The following XKR7 variants were observed in gnomAD, a reference collection of about 807,000 sequenced individuals.
XKR7 encodes the protein XK related 7, also known as XK-related protein 7.
A neutral mutation model predicts 42.2 loss-of-function variants in XKR7; 11 were observed. The ratio of observed to expected loss-of-function variants is 0.26; its 90% CI spans 0.16 to 0.43. XKR7 has a LOEUF of 0.43. Among genes scored for constraint, XKR7 ranks in the 20% least tolerant of loss-of-function variants. The probability of loss-of-function intolerance (pLI) is 1.00; values close to 1 mark genes in which losing one functional copy is unlikely to be tolerated. For missense variants in XKR7, 710 were observed against 802.2 expected (o/e 0.89, Z 1.39); for synonymous variants, 346 against 366.4 (o/e 0.94, Z 0.64).
chr20:31,997,260 A>T lies in XKR7; in HGVS notation c.1543A>T (p.Thr515Ser). ...PGLPPTPVAR[T>S]LRTEGPVIRI... ...CTTGCCTCCCACACCAGTGGCCCGC[A>T]CCTTGCGGACAGAGGGGCCTGTCAT... Residue 515 changes from threonine to serine, a missense_variant, in exon 3 of 3, where the codon ACC (threonine) becomes TCC (serine). This residue lies in a region of XKR7 where 708 missense variants were observed against 786.2 expected (regional missense o/e 0.90). Transcript: ENST00000562532. The T allele has an allele frequency of 6.2e-7, 1 of 1,612,098 alleles. No individual in the cohort carries two copies. Among genetic ancestry groups the T allele is most frequent in the South Asian group, 1.1e-5 (1 of 91,058 alleles).
intron 1 of XKR7, among the ~76,000 whole-genome samples, chr20:31,990,282 C>T (rs971057312): frequency 2.0e-5 from 3 of 152,062 alleles, no homozygotes; most frequent in Non-Finnish European, 1.5e-5. Context: ...CCACCTACCT[C>T]GGCCTCCCAA....
Position 32,002,852 on chromosome 20 carries a change from T to C in XKR7, c.*5395T>C, listed in dbSNP as rs545308657. The C allele has an allele frequency of 6.6e-6, 1 of 152,226 alleles. No homozygotes were observed. The highest frequency in any genetic ancestry group is 2.1e-4 in the South Asian group (1 of 4,820). 9.4% of individuals were successfully genotyped at this position (152,226 alleles called of 1,614,324 possible). On this transcript the variant is annotated 3_prime_UTR_variant, in exon 3 of 3. Coordinates refer to ENST00000562532, the MANE Select transcript of XKR7 (RefSeq NM_001011718.2). The stretch of plus-strand genomic sequence containing the variant: ...TTCCTGCCTTCACAGGCCCTCAGGG[T>C]CTGGGACCCCACGTTGGGAATCAAT...
Position 31,968,872 on chromosome 20 carries a change from C to T in XKR7, c.584+113C>T. The T allele has an allele frequency of 1.5e-6, 2 of 1,352,632 alleles. No homozygotes were observed. Among genetic ancestry groups the T allele is most frequent in the African/African-American group, 1.5e-5 (1 of 67,470 alleles). 83.8% of individuals were successfully genotyped at this position (1,352,632 alleles called of 1,614,324 possible). A position where few individuals can be genotyped will look rare whatever the true frequency, so the allele number is the denominator to read the frequency against. ...CCGGGCTACCCTCCTGTCCTGACCT[C>T]CCCCCCTCCCCACCCCATTGCAGCT... On this transcript the variant is annotated intron_variant, in intron 1 of 2. Transcript: ENST00000562532. The surrounding 1 kb of genome is among the most constrained non-coding windows in gnomAD (Gnocchi z 4.5).
At chr20:31,973,648 G>A (rs150685860) in intron 1 of XKR7, among the ~76,000 whole-genome samples, 1,959 of 152,120 alleles carry the variant, frequency 0.013, 31 homozygotes, top group Admixed American at 0.028. Context: ...AGGTCTTGGG[G>A]AGGGTTTTGC....
chr20:31,997,084 G>A lies in XKR7; in HGVS notation c.1367G>A (p.Arg456His), dbSNP rs867254471. ...CCCCAGGCACCTGGTTGCATCTTCCGTAAGGCCTCAGAGCCCTGTGGCCCA... is the reference window on the plus strand; with the variant it reads ...CCCCAGGCACCTGGTTGCATCTTCCATAAGGCCTCAGAGCCCTGTGGCCCA... ...LGPQAPGCIF[R>H]KASEPCGPPA... Residue 456 changes from arginine to histidine, a missense_variant, in exon 3 of 3, where the codon CGT (arginine) becomes CAT (histidine). Arg to His is a conservative substitution (Grantham distance 29). Transcript: ENST00000562532. 5.6e-6 allele frequency: 9 copies of A among 1,613,572 alleles called. No individual in the cohort carries two copies. The highest frequency in any genetic ancestry group is 3.3e-4 in the Middle Eastern group (2 of 6,062).
At chr20:31,978,795 AT>A (rs1276207875) in intron 1 of XKR7, among the ~76,000 whole-genome samples, 1 of 152,150 alleles carries the variant, frequency 6.6e-6, no homozygotes, top group East Asian at 1.9e-4. Context: ...CTTCCGTGTT[AT>A]TTTCAAGCAA....
intron 2 of XKR7, among the ~76,000 whole-genome samples, chr20:31,996,083 T>C (rs2064589785): frequency 6.6e-6 from 1 of 151,678 alleles, no homozygotes; most frequent in Non-Finnish European, 1.5e-5. Context: ...GGCCTCCTCC[T>C]GGTGGCCCAC....
intron 1 of XKR7, among the ~76,000 whole-genome samples, chr20:31,972,565 T>C (rs1461097062): frequency 3.3e-5 from 5 of 152,218 alleles, no homozygotes; most frequent in African/African-American, 4.8e-5. Context: ...CTGTCCCCTC[T>C]GACCCTGTAG....
At chr20:31,989,489 G>A (rs1010256205) in intron 1 of XKR7, among the ~76,000 whole-genome samples, 4 of 150,444 alleles carry the variant, frequency 2.7e-5, no homozygotes, top group Admixed American at 6.6e-5. Flanking sequence ...TGGTTGCCAT[G>A]TGGAGAATGG....
rs2064604245 is a variant in XKR7 at position 31,997,991 on chromosome 20, G to A, written c.*534G>A. 6.6e-6 allele frequency: 1 copy of A among 151,656 alleles called. No individual in the cohort carries two copies. The highest frequency in any genetic ancestry group is 6.5e-5 in the Admixed American group (1 of 15,354). The allele number at this position is 151,656 out of a possible 1,614,324, so 9.4% of individuals were successfully genotyped here. A position where few individuals can be genotyped will look rare whatever the true frequency, so the allele number is the denominator to read the frequency against. ...CTGTAGCATCTGAGGCCTGGAGCCA[G>A]GGCAAGAGGGAGCTGAAGAAGGGAG... On this transcript the variant is annotated 3_prime_UTR_variant, in exon 3 of 3. Coordinates refer to ENST00000562532, the MANE Select transcript of XKR7 (RefSeq NM_001011718.2).
chr20:31,997,701 A>C lies in XKR7; in HGVS notation c.*244A>C. 1.9e-6 allele frequency: 1 copy of C among 527,002 alleles called. No individual in the cohort carries two copies. The allele number at this position is 527,002 out of a possible 1,614,324, so 32.6% of individuals were successfully genotyped here. On this transcript the variant is annotated 3_prime_UTR_variant, in exon 3 of 3. Coordinates refer to ENST00000562532, the MANE Select transcript of XKR7 (RefSeq NM_001011718.2). ...CCCCTGACCCAGGGCCTGGGGAATC[A>C]TCTGGTGCTACACTTTTCGAGCTGC... is the stretch of plus-strand genomic sequence containing the variant.
At position 31,995,035 on chromosome 20, in the gene XKR7, C is replaced by T; in HGVS notation, c.585-33C>T. 6.5e-7 allele frequency: 1 copy of T among 1,539,208 alleles called. No homozygotes were observed. The highest frequency in any genetic ancestry group is 8.7e-7 in the Non-Finnish European group (1 of 1,145,174). ...TGCGACAGAGCGAGAGGAACCAGCG[C>T]GCGGGAGCCTGAGCACCGCGTCCTT... On this transcript the variant is annotated intron_variant, in intron 1 of 2. Transcript: ENST00000562532. The surrounding 1 kb of genome is among the most constrained non-coding windows in gnomAD (Gnocchi z 4.1).
chr20:31,970,105 C>A (rs1435430310), intron 1 of XKR7: 1 of 152,204 alleles, frequency 6.6e-6, no homozygotes, highest in African/African-American at 2.4e-5. Context: ...GGAGCTCTAT[C>A]CACACAAGGT....
intron 1 of XKR7, among the ~76,000 whole-genome samples, chr20:31,976,131 T>C (rs1226508903): frequency 6.6e-6 from 1 of 152,240 alleles, no homozygotes; most frequent in Non-Finnish European, 1.5e-5. Context: ...ACTCAGCACA[T>C]AGTGGTGCTC....
chr20:31,977,263 C>T (rs1191363685), intron 1 of XKR7, among the ~76,000 whole-genome samples: 2 of 152,150 alleles, frequency 1.3e-5, no homozygotes, highest in Admixed American at 6.5e-5. Flanking sequence ...TGGATTGAAC[C>T]TTTGAGATCA....
At chr20:31,992,191 A>G (rs1397475233) in intron 1 of XKR7, among the ~76,000 whole-genome samples, 3 of 152,188 alleles carry the variant, frequency 2.0e-5, no homozygotes, top group African/African-American at 7.2e-5. Context: ...CTTCCAAGGC[A>G]TCTTATAGCA....
At chr20:31,989,563 A>G (rs2064559994) in intron 1 of XKR7, among the ~76,000 whole-genome samples, 1 of 152,192 alleles carries the variant, frequency 6.6e-6, no homozygotes, top group South Asian at 2.1e-4. Context: ...CACCCAGGCA[A>G]GATGACTGTG....
rs1555862696 is a variant in XKR7 at position 31,997,634 on chromosome 20, C to G, written c.*177C>G. 4 of 628,356 alleles carry G rather than the reference C, an allele frequency of 6.4e-6. No individual in the cohort carries two copies. Among genetic ancestry groups the G allele is most frequent in the South Asian group, 4.2e-5 (2 of 47,256 alleles). 38.9% of individuals were successfully genotyped at this position (628,356 alleles called of 1,614,324 possible). ...GGGGGCAGCCTTGCGGAGGCCCCAG[C>G]CCTGGGCCCCGTTTTCAGCCTTGTG... is the stretch of plus-strand genomic sequence containing the variant. On this transcript the variant is annotated 3_prime_UTR_variant, in exon 3 of 3. Coordinates refer to ENST00000562532, the MANE Select transcript of XKR7 (RefSeq NM_001011718.2).
chr20:31,968,532 C>G lies in XKR7; in HGVS notation c.357C>G (p.Pro119=). 1.9e-6 allele frequency: 3 copies of G among 1,608,464 alleles called. No homozygotes were observed. Among genetic ancestry groups the G allele is most frequent in the Non-Finnish European group, 2.5e-6 (3 of 1,177,712 alleles). Reference sequence around the variant, plus strand: ...GGTTCGTCTACGACTACTCGGAGCCCGCAGGGTCCCCGGGACCCGCCGTCA... The same window carrying G: ...GGTTCGTCTACGACTACTCGGAGCCGGCAGGGTCCCCGGGACCCGCCGTCA... ...FRWFVYDYSE[P]AGSPGPAVST... The change falls in exon 1 of 3, where the codon CCC becomes CCG. Residue 119 remains proline (P), a synonymous_variant. Coordinates refer to ENST00000562532, the MANE Select transcript of XKR7 (RefSeq NM_001011718.2). This position sits in a 1 kb window ranked among gnomAD's most constrained non-coding sequence, Gnocchi z 4.5.
Sources: allele counts gnomAD v4.1 joint callset (sites outside exome capture counted in the v4.1 genomes callset), GRCh38; gene constraint gnomAD v4.1.1; regional missense constraint gnomAD v4.1.1; non-coding constraint Gnocchi (gnomAD v3.1); transcripts MANE v1.5; gene names NCBI Gene and HGNC (gene_info 2026-07-23, HGNC 2026-07-21).